PCDHGA1: variants seen among roughly 807,000 people sequenced by gnomAD.
The protein encoded by PCDHGA1 is protocadherin gamma-A1.
Under a neutral mutation model 58.0 loss-of-function variants are expected in PCDHGA1, and 32 were observed. The ratio of observed to expected loss-of-function variants is 0.55; its 90% CI spans 0.42 to 0.74. The LOEUF (loss-of-function observed/expected upper bound fraction) is 0.74. Among genes scored for constraint, PCDHGA1 ranks in the 30% least tolerant of loss-of-function variants. The pLI, the probability that PCDHGA1 is intolerant of heterozygous loss-of-function variation, is 0.00. For missense variants in PCDHGA1, 1,205 were observed against 1,182.3 expected (o/e 1.02, Z -0.28); for synonymous variants, 498 against 501.1 (o/e 0.99, Z 0.08).
At chr5:141,357,280 G>C in intron 1 of PCDHGA1, 2 of 1,613,938 alleles carry the variant, frequency 1.2e-6, no homozygotes. Flanking sequence ...ACTCTATCTC[G>C]TGGTGGCAGT....
intron 1 of PCDHGA1, chr5:141,343,793 C>G: frequency 2.3e-6 from 1 of 432,852 alleles, no homozygotes; most frequent in South Asian, 5.7e-5. Flanking sequence ...CGCTGTTGAC[C>G]ACTCAAGAAG....
chr5:141,499,401 C>A lies in PCDHGA1; in HGVS notation c.2480+4536C>A, dbSNP rs115575614. ...TTCCACTTATAAAATAGTACATGCTCATTATAGAAACATGAAAAATAGAAA... is the reference window on the plus strand; with the variant it reads ...TTCCACTTATAAAATAGTACATGCTAATTATAGAAACATGAAAAATAGAAA... On this transcript the variant is annotated intron_variant, in intron 2 of 3. Coordinates refer to ENST00000517417, the MANE Select transcript of PCDHGA1 (RefSeq NM_018912.3). Among the ~76,000 whole-genome samples, 871 of 152,186 alleles carry A rather than the reference C, an allele frequency of 5.7e-3. 5 individuals are homozygous for A. Among genetic ancestry groups the A allele is most frequent in the African/African-American group, 0.02 (847 of 41,502 alleles).
intron 1 of PCDHGA1, chr5:141,441,530 A>T (rs2154559371): frequency 5.8e-6 from 1 of 172,118 alleles, no homozygotes; most frequent in Non-Finnish European, 1.2e-5. Flanking sequence ...GCCAAGAACA[A>T]TCTTCCCAAA....
chr5:141,419,240 G>T, intron 1 of PCDHGA1: 1 of 1,613,980 alleles, frequency 6.2e-7, no homozygotes. Flanking sequence ...CCTGGTCCAC[G>T]TGCCAGAAAA....
rs371232283 is a variant in PCDHGA1, at chr5:141,390,337, C to T, written c.2421+57232C>T. ...CATTGCCTACCCATTTCTCCATATT[C>T]ACAAGAAAATATACATATTTGCAGG... On this transcript the variant is annotated intron_variant, in intron 1 of 3. Coordinates refer to ENST00000517417, the MANE Select transcript of PCDHGA1 (RefSeq NM_018912.3). 9.4e-6 allele frequency: 15 copies of T among 1,595,800 alleles called. No homozygotes were observed. In the African/African-American group the frequency reaches 1.5e-4, roughly 16 times the overall value.
chr5:141,410,246 TCTGACCCCCAGG>T (rs2095371499), intron 1 of PCDHGA1: 2 of 1,614,004 alleles, frequency 1.2e-6, no homozygotes, highest in Admixed American at 3.3e-5. Flanking sequence ...CCCTGTACTC[TCTGACCCCCAGG>T]CTGAACTGCA....
chr5:141,428,376 A>G (rs2097136159), intron 1 of PCDHGA1: 2 of 528,068 alleles, frequency 3.8e-6, no homozygotes, highest in African/African-American at 1.9e-5. Flanking sequence ...TGCACCTGCG[A>G]TGCTCTTCCA....
In PCDHGA1 at chr5:141,384,530, G is replaced by T. The variant is rs772652132; in HGVS notation, c.2421+51425G>T. The T allele has an allele frequency of 1.7e-5, 28 of 1,614,238 alleles. No individual in the cohort carries two copies. In the South Asian group the frequency reaches 2.6e-4, roughly 15 times the overall value. On this transcript the variant is annotated intron_variant, in intron 1 of 3. Coordinates refer to ENST00000517417, the MANE Select transcript of PCDHGA1 (RefSeq NM_018912.3). ...GACAGCGGGGACCCGCCTCTCAGCA[G>T]CAACATGTCACTGAGCCTGTTCGTG...
chr5:141,381,832 T>TCTTC (rs1561589349), intron 1 of PCDHGA1, among the ~76,000 whole-genome samples: 34 of 135,172 alleles, frequency 2.5e-4, no homozygotes, highest in African/African-American at 1.0e-3. Context: ...TCTTCTTTTT[T>TCTTC]TTTTTTTTTT....
intron 1 of PCDHGA1, chr5:141,356,052 AAG>A (rs766597679): frequency 1.9e-6 from 3 of 1,613,984 alleles, no homozygotes; most frequent in Admixed American, 3.3e-5. Flanking sequence ...TCCGGAAAGT[AAG>A]AGACAAAATA....
At chr5:141,450,006 CTTTTTTT>C (rs1554136305) in intron 1 of PCDHGA1, among the ~76,000 whole-genome samples, 12 of 132,986 alleles carry the variant, frequency 9.0e-5, no homozygotes, top group Non-Finnish European at 1.7e-4. Context: ...TGCCATGTCT[CTTTTTTT>C]TTTTTTTTTT....
At chr5:141,375,607 C>T in intron 1 of PCDHGA1, 1 of 1,614,216 alleles carries the variant, frequency 6.2e-7, no homozygotes, top group East Asian at 2.2e-5. Context: ...TGTCCATCAA[C>T]TCCGACACTG....
chr5:141,361,411 G>C, intron 1 of PCDHGA1: 2 of 1,613,998 alleles, frequency 1.2e-6, no homozygotes, highest in South Asian at 2.2e-5. Flanking sequence ...CACAGCCACC[G>C]ACGGGGGCAA....
At chr5:141,360,342 C>A in intron 1 of PCDHGA1, 1 of 1,613,836 alleles carries the variant, frequency 6.2e-7, no homozygotes. Flanking sequence ...TGCGGGTTAG[C>A]GCGGAGAAGG....
rs767291767 is a variant in PCDHGA1, at chr5:141,487,668, T to C, written c.2422-7139T>C. ...CTTGAGGGTTATTCTGATCCAGGCA[T>C]ATGGCTAGGCCATGTCCTAGAGAGT... is the stretch of plus-strand genomic sequence containing the variant. On this transcript the variant is annotated intron_variant, in intron 1 of 3. Transcript: ENST00000517417. The surrounding 1 kb of genome is among the most constrained non-coding windows in gnomAD (Gnocchi z 5.0). 1.9e-6 allele frequency: 3 copies of C among 1,612,658 alleles called. No homozygotes were observed. Among genetic ancestry groups the C allele is most frequent in the South Asian group, 1.1e-5 (1 of 90,650 alleles).
Position 141,415,740 on chromosome 5 carries a change from GTTTTTTTTTTTTTTTTTTT to G in PCDHGA1, c.2422-79053_2422-79035del, listed in dbSNP as rs57426385. ...TGAGTAGAATTTGATGTTTATTAAG[GTTTTTTTTTTTTTTTTTTT>G]TTTTTTTTTTTTTACTTTCTGGTAA... is the stretch of plus-strand genomic sequence containing the variant. On this transcript the variant is annotated intron_variant, in intron 1 of 3. Coordinates refer to ENST00000517417, the MANE Select transcript of PCDHGA1 (RefSeq NM_018912.3). The G allele has an allele frequency of 6.7e-5, 42 of 625,046 alleles. No individual in the cohort carries two copies. In the African/African-American group the frequency reaches 7.3e-4, roughly 11 times the overall value. 38.7% of individuals were successfully genotyped at this position (625,046 alleles called of 1,614,324 possible).
At chr5:141,346,105 T>C in intron 1 of PCDHGA1, 1 of 1,613,882 alleles carries the variant, frequency 6.2e-7, no homozygotes, top group South Asian at 1.1e-5. Context: ...GACCTCACTC[T>C]GTACCTGGTG....
At chr5:141,430,603 C>A in intron 1 of PCDHGA1, 1 of 632,906 alleles carries the variant, frequency 1.6e-6, no homozygotes, top group Non-Finnish European at 2.5e-6. Context: ...GCGCCTGAAG[C>A]ACAAAGCAGA....
intron 1 of PCDHGA1, among the ~76,000 whole-genome samples, chr5:141,455,133 CTG>C (rs2098814252): frequency 6.6e-6 from 1 of 151,392 alleles, no homozygotes; most frequent in African/African-American, 2.4e-5. Flanking sequence ...TTAAATTACA[CTG>C]TGTTAAATAA....
Sources: gnomAD v4.1 joint callset for allele counts (sites outside exome capture counted in the v4.1 genomes callset) on GRCh38, gnomAD v4.1.1 for gene constraint, Gnocchi (gnomAD v3.1) non-coding constraint, MANE v1.5 for transcripts, NCBI Gene and HGNC (gene_info 2026-07-23, HGNC 2026-07-21) for gene names.